The following YAP1 variants were observed in gnomAD, a reference collection of about 807,000 sequenced individuals.
The protein encoded by YAP1 is Yes1 associated transcriptional regulator.
A neutral mutation model predicts 56.9 loss-of-function variants in YAP1; 5 were observed. That is an observed-to-expected ratio of 0.09 (90% confidence interval 0.05 to 0.18). The LOEUF is 0.18. Ranked by LOEUF, YAP1 falls within the 10% of genes least tolerant of loss-of-function variation. The pLI is 1.00. For missense variants in YAP1, 539 were observed against 651.8 expected, an observed-to-expected ratio of 0.83 and a Z score of 1.88; for synonymous variants, 265 against 248.1, an observed-to-expected ratio of 1.07 and a Z score of -0.64.
chr11:102,137,814 C>G (rs866937115), intron 2 of YAP1, among the ~76,000 whole-genome samples: 2 of 146,806 alleles, frequency 1.4e-5, no homozygotes, highest in African/African-American at 5.0e-5. Flanking sequence ...GTAAGATCTT[C>G]TAAAAGTGTT....
chr11:102,228,355 C>T (rs1591482229), intron 8 of YAP1, among the ~76,000 whole-genome samples: 1 of 152,094 alleles, frequency 6.6e-6, no homozygotes, highest in East Asian at 1.9e-4. Flanking sequence ...TTGCAGAAGG[C>T]CAGGTGCGGT....
chr11:102,157,028 A>C (rs1945993083), intron 2 of YAP1, among the ~76,000 whole-genome samples: 1 of 152,232 alleles, frequency 6.6e-6, no homozygotes, highest in Non-Finnish European at 1.5e-5. Context: ...TTGTAGACTT[A>C]TAATAAATGG....
chr11:102,214,424 C>T (rs1305728298), intron 6 of YAP1, among the ~76,000 whole-genome samples: 1 of 152,138 alleles, frequency 6.6e-6, no homozygotes, highest in African/African-American at 2.4e-5. Context: ...CAGATGTTCA[C>T]AGTTGTAGTT....
chr11:102,155,140 C>G (rs1466657405), intron 2 of YAP1, among the ~76,000 whole-genome samples: 1 of 152,134 alleles, frequency 6.6e-6, no homozygotes, highest in Non-Finnish European at 1.5e-5. Context: ...TGCCTTTCTA[C>G]CACTGTCCTG....
intron 4 of YAP1, among the ~76,000 whole-genome samples, chr11:102,202,199 G>C (rs917080385): frequency 2.7e-5 from 4 of 149,788 alleles, no homozygotes; most frequent in Non-Finnish European, 4.4e-5. Context: ...TCATTCTTTC[G>C]CCCAGGCTGG....
intron 1 of YAP1, among the ~76,000 whole-genome samples, chr11:102,111,691 T>C (rs1180668878): frequency 6.6e-6 from 1 of 152,198 alleles, no homozygotes; most frequent in East Asian, 1.9e-4. Flanking sequence ...CTGGGCCCCT[T>C]TCCTTTGCGG....
chr11:102,186,753 C>A (rs141482084), intron 4 of YAP1: 104 of 152,434 alleles, frequency 6.8e-4, no homozygotes, highest in Admixed American at 1.1e-3. Flanking sequence ...AGGAACCCCT[C>A]CCCTTCCAAA....
chr11:102,205,811 A>G (rs1187901504), intron 4 of YAP1, 82 bp from the exon 5 acceptor site: 2 of 1,358,286 alleles, frequency 1.5e-6, no homozygotes, highest in African/African-American at 1.5e-5. Flanking sequence ...AATATCCCAA[A>G]TTGCTTTTGA....
intron 3 of YAP1, among the ~76,000 whole-genome samples, chr11:102,167,361 A>G (rs1946668260): frequency 6.6e-6 from 1 of 152,242 alleles, no homozygotes; most frequent in African/African-American, 2.4e-5. Flanking sequence ...ACTTTACTTT[A>G]TATTAAAATA....
Position 102,110,958 on chromosome 11 carries a change from C to T in YAP1, c.110C>T (p.Ala37Val). Residue 37 changes from alanine to valine, a missense_variant, in exon 1 of 9, where the codon GCA becomes GTA. Physicochemically the swap from Ala to Val is moderately conservative, Grantham distance 64. Around this residue, in one of 4 missense-constraint regions of YAP1, gnomAD observed 106 missense variants for 86.6 expected, o/e 1.22. Transcript: ENST00000282441. ...QGPPSGPGQP[A>V]PAATQAAPQA... ...CCGCCGTCCGGACCCGGGCAACCGG[C>T]ACCCGCGGCGACCCAGGCGGCGCCG... 6.6e-7 allele frequency: 1 copy of T among 1,511,130 alleles called. No homozygotes were observed. Among genetic ancestry groups the T allele is most frequent in the Non-Finnish European group, 8.8e-7 (1 of 1,131,328 alleles). The allele number at this position is 1,511,130 out of a possible 1,614,324, so 93.6% of individuals were successfully genotyped here. A position where few individuals can be genotyped will look rare whatever the true frequency, so the allele number is the denominator to read the frequency against.
intron 2 of YAP1, among the ~76,000 whole-genome samples, chr11:102,123,632 CTTTTTTTTTTTTTCT>C (rs1415957466): frequency 2.2e-4 from 13 of 59,220 alleles, no homozygotes; most frequent in Admixed American, 8.9e-4. Flanking sequence ...GTTTTCTTTT[CTTTTTTTTTTTTTCT>C]TTTTTTTTTC....
At chr11:102,147,294 G>T (rs1418709723) in intron 2 of YAP1, among the ~76,000 whole-genome samples, 1 of 152,154 alleles carries the variant, frequency 6.6e-6, no homozygotes, top group Admixed American at 6.6e-5. Context: ...AGTGTAGTAT[G>T]CCAGAACACT....
At chr11:102,174,973 G>T (rs1376621718) in intron 3 of YAP1, among the ~76,000 whole-genome samples, 2 of 152,152 alleles carry the variant, frequency 1.3e-5, no homozygotes, top group Non-Finnish European at 2.9e-5. Context: ...ACTGCCCATT[G>T]TAATCCAGAA....
chr11:102,124,568 T>C (rs1834595), intron 2 of YAP1, among the ~76,000 whole-genome samples: 90,293 of 151,918 alleles, frequency 0.59, 27,457 homozygotes, highest in South Asian at 0.76. Context: ...TTTCTTCCAG[T>C]CTGTTTTATC....
At chr11:102,153,485 T>TA (rs971497668) in intron 2 of YAP1, among the ~76,000 whole-genome samples, 18 of 152,204 alleles carry the variant, frequency 1.2e-4, no homozygotes, top group African/African-American at 4.1e-4. Context: ...CTTCTCACCT[T>TA]AAAATGCAAG....
intron 2 of YAP1, among the ~76,000 whole-genome samples, chr11:102,146,150 A>G (rs993241980): frequency 6.6e-6 from 1 of 152,170 alleles, no homozygotes; most frequent in Non-Finnish European, 1.5e-5. Context: ...CTGGCCCCAT[A>G]TCACCTTTCT....
intron 2 of YAP1, among the ~76,000 whole-genome samples, chr11:102,157,081 T>G (rs575281782): frequency 7.2e-5 from 11 of 152,360 alleles, no homozygotes; most frequent in African/African-American, 2.6e-4. Flanking sequence ...TTGTTCATAA[T>G]TTTAACTCAT....
At chr11:102,134,967 C>T (rs1251070281) in intron 2 of YAP1, among the ~76,000 whole-genome samples, 1 of 152,198 alleles carries the variant, frequency 6.6e-6, no homozygotes, top group Non-Finnish European at 1.5e-5. Context: ...CAACCTCTGC[C>T]TCCTTGGTTC....
intron 6 of YAP1, among the ~76,000 whole-genome samples, chr11:102,217,192 A>G (rs1017361751): frequency 3.9e-5 from 6 of 152,206 alleles, no homozygotes; most frequent in Admixed American, 3.9e-4. Flanking sequence ...TAGCAATATA[A>G]TTTCCCAGAA....
Sources: gnomAD v4.1 joint callset for allele counts (sites outside exome capture counted in the v4.1 genomes callset) on GRCh38, gnomAD v4.1.1 for gene constraint, gnomAD v4.1.1 regional missense constraint, MANE v1.5 for transcripts, NCBI Gene and HGNC (gene_info 2026-07-23, HGNC 2026-07-21) for gene names.